The following HECW2 variants were observed in gnomAD, a reference collection of about 807,000 sequenced individuals.
HECW2 encodes the protein HECT, C2 and WW domain containing E3 ubiquitin protein ligase 2.
In HECW2, 61 loss-of-function variants were observed where a neutral mutation model predicts 175.2. The ratio of observed to expected loss-of-function variants is 0.35; its 90% CI spans 0.28 to 0.43. The LOEUF is 0.43. Ranked by LOEUF, HECW2 falls within the 20% of genes least tolerant of loss-of-function variation. The probability of loss-of-function intolerance (pLI) is 1.00; values close to 1 mark genes in which losing one functional copy is unlikely to be tolerated. For missense variants in HECW2, 1,524 were observed against 2,000.5 expected (o/e 0.76, Z 4.54); for synonymous variants, 671 against 731.0 (o/e 0.92, Z 1.32).
chr2:196,391,497 T>G (rs1203108753), intron 2 of HECW2, among the ~76,000 whole-genome samples: 2 of 152,202 alleles, frequency 1.3e-5, no homozygotes, highest in South Asian at 4.1e-4. Flanking sequence ...ACTGTTTAAC[T>G]CTCATGAATG....
chr2:196,237,333 C>T (rs1425872100), intron 21 of HECW2, among the ~76,000 whole-genome samples: 1 of 152,020 alleles, frequency 6.6e-6, no homozygotes, highest in South Asian at 2.1e-4. Context: ...GTCTTTTATC[C>T]CTTGCCACCC....
At chr2:196,296,557 T>G (rs1050083927) in intron 13 of HECW2, among the ~76,000 whole-genome samples, 1 of 152,164 alleles carries the variant, frequency 6.6e-6, no homozygotes, top group African/African-American at 2.4e-5. Context: ...TTCTATAAAC[T>G]GAACAAGGGT....
In HECW2 at chr2:196,223,793, A is replaced by G. The variant is rs560512940; in HGVS notation, c.4017-1453T>C. On this transcript the variant is annotated intron_variant, in intron 23 of 28. Coordinates refer to ENST00000644978, the MANE Select transcript of HECW2 (RefSeq NM_001348768.2). ...GGTAGAGACCAATGAATAGACCACT[A>G]CAGTAATATGGCCAAAATAAGATAA... 2.6e-5 allele frequency among the ~76,000 whole-genome samples: 4 copies of G among 152,234 alleles called. No homozygotes were observed. In the South Asian group the frequency reaches 8.3e-4, roughly 32 times the overall value.
intron 28 of HECW2, among the ~76,000 whole-genome samples, chr2:196,202,596 G>C (rs887109955): frequency 6.6e-6 from 1 of 152,136 alleles, no homozygotes; most frequent in Non-Finnish European, 1.5e-5. Flanking sequence ...TAATAATAGA[G>C]GTATTGTTAG....
rs766164343 is a variant in HECW2 at position 196,318,601 on chromosome 2, G to A, written c.2289C>T (p.Ala763=). 10 of 1,550,956 alleles carry A rather than the reference G, an allele frequency of 6.4e-6. No homozygotes were observed. The South Asian group carries it at 1.2e-4, about 19-fold the overall frequency. ...CAGTTGCCCCTTCACAGGTGCCTTG[G>A]GCCTCCCCAGCACTGCCTTCTTCTT... ...PPQEEGSAGE[A]QGTCEGATAQ... The change falls in exon 9 of 29, where the codon GCC becomes GCT. Residue 763 remains alanine (A), a synonymous_variant. Coordinates refer to ENST00000644978, the MANE Select transcript of HECW2 (RefSeq NM_001348768.2).
intron 2 of HECW2, among the ~76,000 whole-genome samples, chr2:196,395,816 T>C (rs1212244308): frequency 1.3e-5 from 2 of 152,168 alleles, no homozygotes; most frequent in Non-Finnish European, 2.9e-5. Context: ...TGAAAAATTA[T>C]ACGGTAATTC....
chr2:196,416,215 T>G (rs1559097910), intron 2 of HECW2, among the ~76,000 whole-genome samples: 1 of 152,242 alleles, frequency 6.6e-6, no homozygotes, highest in Non-Finnish European at 1.5e-5. Context: ...AAGAAATGTT[T>G]GTACTATATA....
At chr2:196,276,096 G>A (rs920960865) in intron 15 of HECW2, among the ~76,000 whole-genome samples, 1 of 152,128 alleles carries the variant, frequency 6.6e-6, no homozygotes, top group African/African-American at 2.4e-5. Context: ...ACAGTATGTT[G>A]CCATGTCTCA....
Position 196,199,163 on chromosome 2 carries a change from T to C in HECW2, c.*2114A>G, listed in dbSNP as rs184542531. The C allele has an allele frequency of 9.2e-5, 14 of 152,592 alleles. No individual in the cohort carries two copies. The highest frequency in any genetic ancestry group is 3.4e-4 in the African/African-American group (14 of 41,504). 9.5% of individuals were successfully genotyped at this position (152,592 alleles called of 1,614,324 possible). A position where few individuals can be genotyped will look rare whatever the true frequency, so the allele number is the denominator to read the frequency against. On this transcript the variant is annotated 3_prime_UTR_variant, in exon 29 of 29. Coordinates refer to ENST00000644978, the MANE Select transcript of HECW2 (RefSeq NM_001348768.2). ...CTTGGAGAATGCCAGCCCTGAAACA[T>C]CTTGTATACCATCAAATATGTGACT...
chr2:196,388,610 G>A (rs912262114), intron 2 of HECW2, among the ~76,000 whole-genome samples: 1 of 152,096 alleles, frequency 6.6e-6, no homozygotes, highest in African/African-American at 2.4e-5. Context: ...CAGAGTATAG[G>A]TATGTAACTG....
chr2:196,387,343 G>A (rs1694378452), intron 2 of HECW2, among the ~76,000 whole-genome samples: 1 of 152,108 alleles, frequency 6.6e-6, no homozygotes, highest in Admixed American at 6.5e-5. Context: ...AGGTCATGAG[G>A]ATAAAGCCCT....
intron 28 of HECW2, among the ~76,000 whole-genome samples, chr2:196,212,390 C>T (rs752234138): frequency 2.6e-5 from 4 of 152,202 alleles, no homozygotes; most frequent in Middle Eastern, 3.4e-3. Context: ...GTGTTATTCC[C>T]CTCTATGTGT....
chr2:196,429,549 A>G (rs1422729801), intron 2 of HECW2, among the ~76,000 whole-genome samples: 3 of 152,240 alleles, frequency 2.0e-5, no homozygotes, highest in Non-Finnish European at 4.4e-5. Flanking sequence ...TGAAGTAATT[A>G]GCACCAGACT....
chr2:196,493,129 G>T (rs1298193811), intron 1 of HECW2: 1 of 152,248 alleles, frequency 6.6e-6, no homozygotes, highest in East Asian at 1.9e-4. Context: ...AGCACTTTGG[G>T]AGGCTGAGGT....
At chr2:196,563,703 TAA>T (rs762854284) in intron 1 of HECW2, among the ~76,000 whole-genome samples, 5 of 152,186 alleles carry the variant, frequency 3.3e-5, no homozygotes, top group Non-Finnish European at 7.3e-5. Context: ...TTTGTGCATC[TAA>T]AAATATAATA....
chr2:196,567,486 A>T (rs1368820976), intron 1 of HECW2, among the ~76,000 whole-genome samples: 1 of 152,172 alleles, frequency 6.6e-6, no homozygotes, highest in East Asian at 1.9e-4. Flanking sequence ...TGCTAACTGA[A>T]AAAGGTCATA....
chr2:196,382,579 C>T lies in HECW2; in HGVS notation c.293-38815G>A, dbSNP rs533430024. ...TAGTTGATGAAGCCCTAAGTAAACC[C>T]CAGAAAGAATTTCTGAATAGGTATA... On this transcript the variant is annotated intron_variant, in intron 2 of 28. Transcript: ENST00000644978. 1.7e-3 allele frequency among the ~76,000 whole-genome samples: 262 copies of T among 151,866 alleles called. No individual in the cohort carries two copies. The Middle Eastern group carries it at 0.041, about 24-fold the overall frequency.
chr2:196,227,955 TA>T (rs762505277), intron 22 of HECW2, 146 bp downstream of exon 22: 3 of 659,318 alleles, frequency 4.6e-6, no homozygotes, highest in Non-Finnish European at 4.8e-6. Context: ...AATTTGACAA[TA>T]AAAACAAGAG....
At chr2:196,523,821 G>A (rs1002272970) in intron 1 of HECW2, among the ~76,000 whole-genome samples, 2 of 151,802 alleles carry the variant, frequency 1.3e-5, no homozygotes, top group Non-Finnish European at 2.9e-5. Flanking sequence ...TCCCAGGGAT[G>A]AAGCCCACTT....
Sources: allele counts gnomAD v4.1 joint callset (sites outside exome capture counted in the v4.1 genomes callset), GRCh38; gene constraint gnomAD v4.1.1; transcripts MANE v1.5; gene names NCBI Gene and HGNC (gene_info 2026-07-23, HGNC 2026-07-21).